The following SPOCK3 variants were observed in gnomAD, a reference collection of about 807,000 sequenced individuals.
SPOCK3 encodes the protein testican-3.
SPOCK3 carries 30 observed loss-of-function variants against 56.6 expected under a neutral mutation model. That is an observed-to-expected ratio of 0.53 (90% CI 0.40 to 0.72). SPOCK3 has a LOEUF of 0.72. SPOCK3 is among the 30% of genes least tolerant of loss of function. The pLI, the probability that SPOCK3 is intolerant of heterozygous loss-of-function variation, is 0.00. For missense variants in SPOCK3, 527 were observed against 530.0 expected (o/e 0.99, Z 0.06); for synonymous variants, 196 against 183.3 (o/e 1.07, Z -0.56).
intron 2 of SPOCK3, among the ~76,000 whole-genome samples, chr4:167,139,595 T>C (rs566051497): frequency 5.9e-4 from 90 of 152,058 alleles, no homozygotes; most frequent in Non-Finnish European, 1.2e-3. Context: ...TCTCTTTAAA[T>C]GTAAAATTGG....
chr4:167,086,967 G>A (rs1373167682), intron 2 of SPOCK3, among the ~76,000 whole-genome samples: 1 of 152,082 alleles, frequency 6.6e-6, no homozygotes, highest in East Asian at 1.9e-4. Flanking sequence ...GAATATTAAT[G>A]AGTAGACCGC....
intron 6 of SPOCK3, among the ~76,000 whole-genome samples, chr4:166,823,744 T>C (rs533425601): frequency 1.9e-4 from 29 of 152,240 alleles, no homozygotes; most frequent in African/African-American, 5.5e-4. Context: ...ATAGGTGTTA[T>C]ATAAATGAGC....
chr4:166,990,667 AT>A (rs1038569165), intron 4 of SPOCK3, among the ~76,000 whole-genome samples: 116 of 152,210 alleles, frequency 7.6e-4, no homozygotes, highest in African/African-American at 2.6e-3. Flanking sequence ...TTTAGCTCTA[AT>A]TTACCCAAAA....
At chr4:167,190,048 A>G (rs1259193677) in intron 2 of SPOCK3, among the ~76,000 whole-genome samples, 3 of 145,970 alleles carry the variant, frequency 2.1e-5, no homozygotes, top group Non-Finnish European at 4.5e-5. Flanking sequence ...TTGTTTTCAT[A>G]TTTCATCTAT....
At chr4:166,788,132 A>C (rs28710408) in intron 7 of SPOCK3, among the ~76,000 whole-genome samples, 7,361 of 152,266 alleles carry the variant, frequency 0.048, 526 homozygotes, top group African/African-American at 0.15. Context: ...CAGTGAGCTG[A>C]GATGGCACCA....
intron 4 of SPOCK3, among the ~76,000 whole-genome samples, chr4:166,982,258 G>A (rs756869898): frequency 1.3e-5 from 2 of 152,204 alleles, no homozygotes; most frequent in African/African-American, 2.4e-5. Flanking sequence ...TGTAGTGGAA[G>A]ATATACCATA....
intron 4 of SPOCK3, among the ~76,000 whole-genome samples, chr4:166,997,809 T>C (rs1579946121): frequency 6.6e-6 from 1 of 152,312 alleles, no homozygotes; most frequent in East Asian, 1.9e-4. Flanking sequence ...TGTATTCCCC[T>C]TGCAGGAAGA....
chr4:166,746,959 C>A (rs968365197), intron 8 of SPOCK3, among the ~76,000 whole-genome samples: 1 of 152,036 alleles, frequency 6.6e-6, no homozygotes, highest in Admixed American at 6.6e-5. Context: ...CTGAATAGAC[C>A]AATAACAGAC....
chr4:167,025,123 C>T (rs1052754924), intron 3 of SPOCK3, among the ~76,000 whole-genome samples: 14 of 151,510 alleles, frequency 9.2e-5, no homozygotes, highest in Admixed American at 8.6e-4. Context: ...AAAATATCTT[C>T]GTCCTTCTGG....
In SPOCK3 at chr4:166,846,201, T is replaced by C. The variant is rs1748041986; in HGVS notation, c.589+42929A>G. ...TTGTTATGTGGTACCTGACTTCTTT[T>C]TGGTCTGCCAGGGATTATGGCTAAG... is the stretch of plus-strand genomic sequence containing the variant. On this transcript the variant is annotated intron_variant, in intron 6 of 10. Transcript: ENST00000357545. 2.6e-5 allele frequency among the ~76,000 whole-genome samples: 4 copies of C among 152,258 alleles called. No homozygotes were observed. The South Asian group carries it at 8.3e-4, about 32-fold the overall frequency.
chr4:167,009,039 GTCT>G lies in SPOCK3; in HGVS notation c.236-8579_236-8577del, dbSNP rs371442253. On this transcript the variant is annotated intron_variant, in intron 3 of 10. Coordinates refer to ENST00000357545, the MANE Select transcript of SPOCK3 (RefSeq NM_001040159.2). ...CCTAAAAAATTTTAAAAAATAAAAG[GTCT>G]TCAATTACTTTTTCTTTTGTATAAC... is the stretch of plus-strand genomic sequence containing the variant. Among the ~76,000 whole-genome samples the G allele has an allele frequency of 2.5e-4, 38 of 152,026 alleles. No homozygotes were observed. The South Asian group carries it at 7.1e-3, about 28-fold the overall frequency.
intron 6 of SPOCK3, among the ~76,000 whole-genome samples, chr4:166,851,601 A>C (rs1190770695): frequency 6.6e-6 from 1 of 152,232 alleles, no homozygotes; most frequent in African/African-American, 2.4e-5. Flanking sequence ...AACTAGAATA[A>C]CCAATACAGA....
At chr4:167,037,481 C>T (rs915505893) in intron 3 of SPOCK3, among the ~76,000 whole-genome samples, 9 of 98,746 alleles carry the variant, frequency 9.1e-5, no homozygotes, top group Non-Finnish European at 1.9e-4. Context: ...GACTTCATCT[C>T]AAAAAAGAAG....
intron 6 of SPOCK3, among the ~76,000 whole-genome samples, chr4:166,836,554 C>T (rs72984102): frequency 6.6e-6 from 1 of 152,070 alleles, no homozygotes; most frequent in Non-Finnish European, 1.5e-5. Flanking sequence ...ATTTTTTGCC[C>T]TGTGAATTTA....
At chr4:167,094,942 T>C (rs187275923) in intron 2 of SPOCK3, among the ~76,000 whole-genome samples, 154 of 152,172 alleles carry the variant, frequency 1.0e-3, no homozygotes, top group African/African-American at 3.3e-3. Context: ...TTGATGCAGT[T>C]TGAGTCTGAG....
chr4:167,168,592 T>A (rs1191689056), intron 2 of SPOCK3, among the ~76,000 whole-genome samples: 1 of 152,030 alleles, frequency 6.6e-6, no homozygotes, highest in Admixed American at 6.6e-5. Flanking sequence ...TTGAGAGAGA[T>A]GATCTGAAAT....
chr4:166,854,991 C>G (rs530414466), intron 6 of SPOCK3, among the ~76,000 whole-genome samples: 2 of 152,294 alleles, frequency 1.3e-5, no homozygotes, highest in East Asian at 3.9e-4. Flanking sequence ...TCCCGCCCCA[C>G]TGCCTGTCTC....
At chr4:166,888,730 G>A (rs1734456714) in intron 6 of SPOCK3, among the ~76,000 whole-genome samples, 1 of 151,912 alleles carries the variant, frequency 6.6e-6, no homozygotes, top group Admixed American at 6.6e-5. Context: ...AAAATGGTTA[G>A]TATTAATTGA....
intron 4 of SPOCK3, among the ~76,000 whole-genome samples, chr4:166,981,230 G>A (rs895432750): frequency 7.2e-5 from 11 of 151,812 alleles, no homozygotes; most frequent in Non-Finnish European, 1.2e-4. Flanking sequence ...AAGACCCATG[G>A]TGGGTAGCTC....
Sources: allele counts gnomAD v4.1 joint callset (sites outside exome capture counted in the v4.1 genomes callset), GRCh38; gene constraint gnomAD v4.1.1; transcripts MANE v1.5; gene names NCBI Gene and HGNC (gene_info 2026-07-23, HGNC 2026-07-21).